AKAP19: variants seen among roughly 807,000 people sequenced by gnomAD.
AKAP19 encodes A-kinase anchoring protein 19.
the AKAP19 span, among the ~76,000 whole-genome samples, chr2:190,140,763 T>C: frequency 6.6e-6 from 1 of 152,210 alleles, no homozygotes; most frequent in Non-Finnish European, 1.5e-5. Flanking sequence ...GAGACATTTT[T>C]CCTATTGTCT....
chr2:190,158,216 A>G, the AKAP19 span, among the ~76,000 whole-genome samples: 1 of 152,138 alleles, frequency 6.6e-6, no homozygotes, highest in South Asian at 2.1e-4. Flanking sequence ...GCACTCGGGG[A>G]GCTCGGATTT....
the AKAP19 span, chr2:190,062,270 G>A: frequency 1.2e-5 from 19 of 1,612,818 alleles, no homozygotes; most frequent in Middle Eastern, 1.6e-4. Context: ...CGTGATAATC[G>A]TCATCTTCCA....
At chr2:189,933,865 AT>A in the AKAP19 span, among the ~76,000 whole-genome samples, 1 of 152,050 alleles carries the variant, frequency 6.6e-6, no homozygotes, top group Non-Finnish European at 1.5e-5. Flanking sequence ...CCCCAAATGA[AT>A]TTTCTTTCTC....
chr2:190,065,422 A>G, the AKAP19 span, among the ~76,000 whole-genome samples: 1 of 152,146 alleles, frequency 6.6e-6, no homozygotes, highest in Non-Finnish European at 1.5e-5. Context: ...CGAACTGTAC[A>G]CCTAAAAATG....
the AKAP19 span, among the ~76,000 whole-genome samples, chr2:190,067,926 G>T: frequency 7.9e-5 from 12 of 152,158 alleles, no homozygotes; most frequent in East Asian, 1.9e-3. Flanking sequence ...TAGGGGCCAG[G>T]CACGGTGGCT....
chr2:189,916,439 A>G, the AKAP19 span, among the ~76,000 whole-genome samples: 1 of 150,690 alleles, frequency 6.6e-6, no homozygotes, highest in African/African-American at 2.5e-5. Flanking sequence ...CTCATGCCTC[A>G]GCCTCCTGAA....
the AKAP19 span, among the ~76,000 whole-genome samples, chr2:189,977,915 A>G: frequency 6.6e-6 from 1 of 152,216 alleles, no homozygotes; most frequent in African/African-American, 2.4e-5. Context: ...TCATACAACC[A>G]TTCTGTTTTT....
At chr2:189,935,987 G>T in the AKAP19 span, among the ~76,000 whole-genome samples, 3 of 152,076 alleles carry the variant, frequency 2.0e-5, no homozygotes, top group Middle Eastern at 3.4e-3. Flanking sequence ...ACAGTTTTTG[G>T]TTGTGTTTCA....
At chr2:189,938,876 G>A in the AKAP19 span, among the ~76,000 whole-genome samples, 1 of 152,124 alleles carries the variant, frequency 6.6e-6, no homozygotes, top group African/African-American at 2.4e-5. Context: ...AAAAATTTGA[G>A]TAGATAGTAA....
the AKAP19 span, among the ~76,000 whole-genome samples, chr2:189,959,486 C>T: frequency 6.6e-6 from 1 of 152,114 alleles, no homozygotes; most frequent in African/African-American, 2.4e-5. Flanking sequence ...ATACATTTCT[C>T]ATTAGCAGTC....
At chr2:190,059,024 A>G in the AKAP19 span, among the ~76,000 whole-genome samples, 3 of 151,610 alleles carry the variant, frequency 2.0e-5, no homozygotes, top group Admixed American at 2.0e-4. Flanking sequence ...ATACACATAT[A>G]TATAATAAAG....
At chr2:190,173,056 A>T in the AKAP19 span, among the ~76,000 whole-genome samples, 1 of 151,816 alleles carries the variant, frequency 6.6e-6, no homozygotes, top group Non-Finnish European at 1.5e-5. Flanking sequence ...CAGACGTTGC[A>T]GTGAGCCGTG....
At chr2:190,149,396 C>T in the AKAP19 span, among the ~76,000 whole-genome samples, 898 of 151,848 alleles carry the variant, frequency 5.9e-3, 5 homozygotes, top group African/African-American at 0.02. Context: ...TTCTCTAGTT[C>T]GTGGAGGTGT....
At chr2:190,141,463 T>C in the AKAP19 span, among the ~76,000 whole-genome samples, 1 of 152,138 alleles carries the variant, frequency 6.6e-6, no homozygotes, top group South Asian at 2.1e-4. Context: ...TGGGGAGGCC[T>C]CAGGAAACTT....
At chr2:190,141,416 AG>A in the AKAP19 span, among the ~76,000 whole-genome samples, 1 of 152,198 alleles carries the variant, frequency 6.6e-6, no homozygotes, top group African/African-American at 2.4e-5. Flanking sequence ...TAATTTATAA[AG>A]AAAAGAGGTT....
the AKAP19 span, among the ~76,000 whole-genome samples, chr2:190,010,419 G>A: frequency 2.0e-5 from 3 of 152,194 alleles, no homozygotes; most frequent in Non-Finnish European, 4.4e-5. Flanking sequence ...ATCAATGGGA[G>A]CAGAAGAGAG....
the AKAP19 span, chr2:190,200,199 G>A: frequency 2.6e-6 from 4 of 1,511,874 alleles, no homozygotes; most frequent in East Asian, 2.3e-5. Context: ...TTGAATAAAT[G>A]TGACAAAAGC....
the AKAP19 span, chr2:190,200,119 A>G: frequency 6.2e-7 from 1 of 1,614,028 alleles, no homozygotes. Context: ...GTACCATGAC[A>G]TTCCATACAT....
chr2:189,924,184 A>G, the AKAP19 span: 7 of 1,506,018 alleles, frequency 4.6e-6, no homozygotes, highest in African/African-American at 5.4e-5. Context: ...AGAGGATGAC[A>G]GAGACAGCGC....
Sources: gnomAD v4.1 joint callset for allele counts (sites outside exome capture counted in the v4.1 genomes callset) on GRCh38, gnomAD v4.1.1 for gene constraint, MANE v1.5 for transcripts, NCBI Gene and HGNC (gene_info 2026-07-23, HGNC 2026-07-21) for gene names.